EXT2: variants seen among roughly 807,000 people sequenced by gnomAD.
EXT2 encodes the protein exostosin glycosyltransferase 2, also known as exostosin-2.
Under a neutral mutation model 81.6 loss-of-function variants are expected in EXT2, and 53 were observed. That is an observed-to-expected ratio of 0.65 (90% CI 0.52 to 0.82). The LOEUF is 0.82. Ranked by LOEUF, EXT2 falls within the 40% of genes least tolerant of loss-of-function variation. The pLI is 0.00. For synonymous variants in EXT2, 320 were observed against 340.0 expected, an observed-to-expected ratio of 0.94 and a Z score of 0.65; for missense variants, 774 against 910.2, an observed-to-expected ratio of 0.85 and a Z score of 1.93.
chr11:44,142,336 A>G (rs1341366900), intron 7 of EXT2, among the ~76,000 whole-genome samples: 1 of 152,228 alleles, frequency 6.6e-6, no homozygotes, highest in African/African-American at 2.4e-5. Context: ...CAACAGTCAC[A>G]TATATTTATT....
intron 1 of EXT2, among the ~76,000 whole-genome samples, chr11:44,104,236 A>G (rs1745905493): frequency 6.6e-6 from 1 of 152,170 alleles, no homozygotes; most frequent in Admixed American, 6.5e-5. Context: ...GCAATAGAAT[A>G]ACAGAGTAGA....
rs185432116 is a variant in EXT2 at position 44,139,340 on chromosome 11, T to A, written c.1173+9202T>A. On this transcript the variant is annotated intron_variant, in intron 7 of 13. Coordinates refer to ENST00000533608, the MANE Select transcript of EXT2 (RefSeq NM_207122.2). ...CTGATCATAATTTTATCCATTTTTT[T>A]AATTAAAAAAACTTGTAGAGGAAAG... 1.4e-4 allele frequency among the ~76,000 whole-genome samples: 22 copies of A among 152,214 alleles called. No individual in the cohort carries two copies. The East Asian group carries it at 2.1e-3, about 15-fold the overall frequency.
At chr11:44,109,414 A>G (rs1343114889) in intron 3 of EXT2, 131 bp downstream of exon 3, 2 of 881,886 alleles carry the variant, frequency 2.3e-6, no homozygotes, top group African/African-American at 1.7e-5. Context: ...TGTCATAAGT[A>G]TTTTCCTCCT....
At chr11:44,140,611 T>C (rs1954632763) in intron 7 of EXT2, among the ~76,000 whole-genome samples, 1 of 152,198 alleles carries the variant, frequency 6.6e-6, no homozygotes, top group Non-Finnish European at 1.5e-5. Context: ...CCAGAATGTT[T>C]TTCCAGGCAT....
rs147978415 is a variant in EXT2 at position 44,159,719 on chromosome 11, G to A, written c.1174-11892G>A. On this transcript the variant is annotated intron_variant, in intron 7 of 13. Coordinates refer to ENST00000533608, the MANE Select transcript of EXT2 (RefSeq NM_207122.2). ...CCTTGTAATTTTTTGTTGAAGTACT[G>A]GGTGAAAGGAACTCTGGGAAATAGG... Among the ~76,000 whole-genome samples the A allele has an allele frequency of 5.1e-4, 77 of 152,242 alleles. 1 individual carries two copies. The East Asian group carries it at 0.013, about 25-fold the overall frequency.
chr11:44,125,459 T>G (rs994627247), intron 5 of EXT2, among the ~76,000 whole-genome samples: 2 of 152,180 alleles, frequency 1.3e-5, no homozygotes, highest in African/African-American at 2.4e-5. Flanking sequence ...TCTTGCCACC[T>G]TTAGCATCTC....
intron 10 of EXT2, among the ~76,000 whole-genome samples, chr11:44,222,030 C>T (rs902044859): frequency 9.2e-5 from 14 of 152,120 alleles, no homozygotes; most frequent in African/African-American, 2.9e-4. Context: ...GCTCATCTCT[C>T]GATCATATTT....
intron 7 of EXT2, among the ~76,000 whole-genome samples, chr11:44,151,726 C>A (rs189550078): frequency 6.6e-6 from 1 of 152,212 alleles, no homozygotes; most frequent in East Asian, 1.9e-4. Context: ...ATTTGGGTAA[C>A]CTTCAGGGAG....
At chr11:44,114,825 T>G (rs909090513) in intron 4 of EXT2, among the ~76,000 whole-genome samples, 2 of 152,224 alleles carry the variant, frequency 1.3e-5, no homozygotes, top group Non-Finnish European at 2.9e-5. Flanking sequence ...AAGGCTCTCT[T>G]TCATCTGACC....
intron 1 of EXT2, among the ~76,000 whole-genome samples, chr11:44,101,446 A>G (rs74575421): frequency 0.012 from 1,775 of 152,322 alleles, 37 homozygotes; most frequent in African/African-American, 0.04. Context: ...CCTCCAATGT[A>G]CAGAATAGCT....
intron 11 of EXT2, among the ~76,000 whole-genome samples, chr11:44,233,175 C>T (rs1476281344): frequency 6.6e-6 from 1 of 151,958 alleles, no homozygotes; most frequent in African/African-American, 2.4e-5. Context: ...TGTGAATATT[C>T]TAAGCATATA....
intron 7 of EXT2, among the ~76,000 whole-genome samples, chr11:44,163,564 G>C (rs1030673178): frequency 2.0e-5 from 3 of 152,236 alleles, no homozygotes; most frequent in African/African-American, 7.2e-5. Flanking sequence ...TTTGGCATAT[G>C]TATTTGGAAA....
intron 13 of EXT2, among the ~76,000 whole-genome samples, chr11:44,236,818 C>A (rs1035561713): frequency 2.0e-5 from 3 of 152,196 alleles, no homozygotes; most frequent in African/African-American, 7.2e-5. Context: ...CTGCCAAGAA[C>A]AGGATCGAAA....
chr11:44,121,329 A>G (rs1590564192), intron 4 of EXT2, among the ~76,000 whole-genome samples: 1 of 152,206 alleles, frequency 6.6e-6, no homozygotes, highest in African/African-American at 2.4e-5. Flanking sequence ...TTTGAGCACC[A>G]CACATCAACA....
intron 8 of EXT2, among the ~76,000 whole-genome samples, chr11:44,177,166 C>T (rs1030484411): frequency 1.3e-5 from 2 of 152,116 alleles, no homozygotes; most frequent in African/African-American, 4.8e-5. Flanking sequence ...GAAAGGAATT[C>T]TTTTTGAAAG....
chr11:44,203,722 C>T (rs531666215), intron 9 of EXT2, among the ~76,000 whole-genome samples: 11 of 150,112 alleles, frequency 7.3e-5, no homozygotes, highest in Middle Eastern at 3.4e-3. Context: ...GACAAGTGCC[C>T]CTGCCTGCCT....
At chr11:44,160,792 T>C (rs1954917968) in intron 7 of EXT2, among the ~76,000 whole-genome samples, 1 of 152,214 alleles carries the variant, frequency 6.6e-6, no homozygotes, top group Admixed American at 6.5e-5. Context: ...GGGTATTTGT[T>C]TTAGTTATTT....
At chr11:44,243,618 C>CTTTTTTTTTTTTTTTTTT (rs1215047805) in intron 13 of EXT2, among the ~76,000 whole-genome samples, 44 of 72,900 alleles carry the variant, frequency 6.0e-4, no homozygotes, top group Admixed American at 7.8e-4. Flanking sequence ...GCCCTGTCAC[C>CTTTTTTTTTTTTTTTTTT]TTTTTTTTTT....
chr11:44,193,973 A>G (rs1955425094), intron 8 of EXT2, among the ~76,000 whole-genome samples: 1 of 152,082 alleles, frequency 6.6e-6, no homozygotes, highest in South Asian at 2.1e-4. Context: ...ATGAGACCCG[A>G]TCTGTTGTCT....
Sources: gnomAD v4.1 joint callset for allele counts (sites outside exome capture counted in the v4.1 genomes callset) on GRCh38, gnomAD v4.1.1 for gene constraint, MANE v1.5 for transcripts, NCBI Gene and HGNC (gene_info 2026-07-23, HGNC 2026-07-21) for gene names.